The following PCDH15 variants were observed in gnomAD, a reference collection of about 807,000 sequenced individuals.
PCDH15 encodes the protein protocadherin related 15.
PCDH15 carries 129 observed loss-of-function variants against 178.5 expected under a neutral mutation model. The ratio of observed to expected loss-of-function variants is 0.72; its 90% CI spans 0.63 to 0.84. The LOEUF (loss-of-function observed/expected upper bound fraction) is 0.84, where lower values mean the gene tolerates loss of function less well. Ranked by LOEUF, PCDH15 falls within the 40% of genes least tolerant of loss-of-function variation. The pLI, the probability that PCDH15 is intolerant of heterozygous loss-of-function variation, is 0.00. For missense variants in PCDH15, 2,230 were observed against 2,099.9 expected, an observed-to-expected ratio of 1.06 and a Z score of -1.21; for synonymous variants, 800 against 732.0, an observed-to-expected ratio of 1.09 and a Z score of -1.50.
intron 13 of PCDH15, among the ~76,000 whole-genome samples, 194 bp downstream of exon 13, chr10:54,183,250 C>A (rs368842789): frequency 6.6e-6 from 1 of 152,156 alleles, no homozygotes. Flanking sequence ...GGATTACAGG[C>A]GTGAGCCACC....
At chr10:54,614,946 A>G (rs2093082317) in intron 2 of PCDH15, among the ~76,000 whole-genome samples, 1 of 152,040 alleles carries the variant, frequency 6.6e-6, no homozygotes, top group Non-Finnish European at 1.5e-5. Context: ...TATGTATAAG[A>G]TATGCTAAGT....
intron 26 of PCDH15, among the ~76,000 whole-genome samples, chr10:53,880,809 T>C (rs1474787594): frequency 2.0e-5 from 3 of 152,148 alleles, no homozygotes; most frequent in South Asian, 2.1e-4. Flanking sequence ...ACTGTATTTA[T>C]GGACTAGAAT....
At chr10:54,561,804 T>C (rs2088199050) in intron 2 of PCDH15, among the ~76,000 whole-genome samples, 1 of 151,774 alleles carries the variant, frequency 6.6e-6, no homozygotes, top group Admixed American at 6.6e-5. Context: ...ACCTTAATTC[T>C]GATTTACAAA....
At chr10:54,735,760 G>A (rs11592562) in intron 1 of PCDH15, among the ~76,000 whole-genome samples, 9,935 of 112,114 alleles carry the variant, frequency 0.089, 595 homozygotes, top group Middle Eastern at 0.18. Flanking sequence ...GTAAACTATC[G>A]CAAGAACAAA....
chr10:54,332,263 T>C (rs1291226071), intron 6 of PCDH15, among the ~76,000 whole-genome samples: 1 of 72,810 alleles, frequency 1.4e-5, no homozygotes, highest in South Asian at 3.3e-4. Flanking sequence ...CTATATTATA[T>C]ATTATTATAT....
intron 3 of PCDH15, among the ~76,000 whole-genome samples, chr10:54,431,085 C>T (rs1956911902): frequency 6.6e-6 from 1 of 151,944 alleles, no homozygotes; most frequent in Non-Finnish European, 1.5e-5. Context: ...ACTGAACAAC[C>T]AATAACAAGT....
Position 54,961,151 on chromosome 10 carries a change from T to C in PCDH15, c.-79-63651A>G, listed in dbSNP as rs570986074. Among the ~76,000 whole-genome samples the C allele has an allele frequency of 1.6e-4, 25 of 152,258 alleles. No homozygotes were observed. The South Asian group carries it at 4.6e-3, about 28-fold the overall frequency. On this transcript the variant is annotated intron_variant, in intron 2 of 5. Transcript: ENST00000458638. Reference sequence around the variant, plus strand: ...GCAGTGTTGGAGGAGCAGACAGGGGTGCATGCTCCCTTGTGCCCGCTCCAG... The same window carrying C: ...GCAGTGTTGGAGGAGCAGACAGGGGCGCATGCTCCCTTGTGCCCGCTCCAG...
At chr10:53,808,461 T>A in intron 37 of PCDH15, 2 of 1,328,542 alleles carry the variant, frequency 1.5e-6, no homozygotes, top group Non-Finnish European at 1.9e-6. Context: ...ATTGCATGTG[T>A]TCTGATTTAC....
chr10:54,026,635 C>A (rs149908802), intron 18 of PCDH15, among the ~76,000 whole-genome samples: 4,172 of 152,188 alleles, frequency 0.027, 194 homozygotes, highest in African/African-American at 0.096. Context: ...TGTTTATATG[C>A]TGGATTACAT....
At chr10:54,382,807 C>T (rs1447764846) in intron 3 of PCDH15, among the ~76,000 whole-genome samples, 4 of 152,108 alleles carry the variant, frequency 2.6e-5, no homozygotes, top group South Asian at 2.1e-4. Context: ...TGTGTCTGGA[C>T]TCCTGACTCA....
intron 20 of PCDH15, among the ~76,000 whole-genome samples, chr10:53,998,210 C>T (rs7920872): frequency 0.65 from 98,705 of 151,978 alleles, 32,133 homozygotes; most frequent in Middle Eastern, 0.72. Flanking sequence ...AATTGTATCA[C>T]TAAAACCCAT....
chr10:55,279,115 C>T (rs947186655), intron 1 of PCDH15, among the ~76,000 whole-genome samples: 1 of 152,126 alleles, frequency 6.6e-6, no homozygotes, highest in South Asian at 2.1e-4. Flanking sequence ...CCGTTTACAA[C>T]TGTGAAAATC....
intron 32 of PCDH15, among the ~76,000 whole-genome samples, chr10:53,826,646 A>G (rs12251861): frequency 0.038 from 5,709 of 152,198 alleles, 364 homozygotes; most frequent in African/African-American, 0.13. Flanking sequence ...AAGGAATCCA[A>G]TTATGAGGGT....
At chr10:54,300,814 G>A (rs1223268446) in intron 8 of PCDH15, among the ~76,000 whole-genome samples, 1 of 152,184 alleles carries the variant, frequency 6.6e-6, no homozygotes, top group Admixed American at 6.5e-5. Flanking sequence ...GCACTAATCA[G>A]CGCTCTGTAA....
chr10:54,020,959 C>T (rs1192814882), intron 19 of PCDH15, among the ~76,000 whole-genome samples: 3 of 151,940 alleles, frequency 2.0e-5, no homozygotes, highest in East Asian at 3.9e-4. Context: ...TTCTAGAGAT[C>T]ACTCTACCAT....
chr10:55,386,237 T>A (rs1837655924), intron 2 of PCDH15, among the ~76,000 whole-genome samples: 1 of 152,072 alleles, frequency 6.6e-6, no homozygotes, highest in Admixed American at 6.6e-5. Flanking sequence ...CCACTACTCA[T>A]GAGTAATTTT....
chr10:54,671,895 C>T (rs190581738), intron 1 of PCDH15, among the ~76,000 whole-genome samples: 20 of 152,060 alleles, frequency 1.3e-4, no homozygotes, highest in Non-Finnish European at 2.5e-4. Flanking sequence ...AACCAGGCCA[C>T]AGAGCAGGAG....
At chr10:55,480,030 G>A (rs918424652) in intron 2 of PCDH15, among the ~76,000 whole-genome samples, 1 of 151,360 alleles carries the variant, frequency 6.6e-6, no homozygotes, top group African/African-American at 2.4e-5. Context: ...CTTCCAGTCT[G>A]TGAAGAATGT....
intron 2 of PCDH15, among the ~76,000 whole-genome samples, chr10:54,901,995 C>A (rs1036510166): frequency 1.3e-5 from 2 of 151,286 alleles, no homozygotes; most frequent in Non-Finnish European, 3.0e-5. Flanking sequence ...TTGATACATT[C>A]CATTCAAATG....
Sources: allele counts gnomAD v4.1 joint callset (sites outside exome capture counted in the v4.1 genomes callset), GRCh38; gene constraint gnomAD v4.1.1; transcripts MANE v1.5; gene names NCBI Gene and HGNC (gene_info 2026-07-23, HGNC 2026-07-21).